The following CDS1 variants were observed in gnomAD, a reference collection of about 807,000 sequenced individuals.
CDS1 encodes phosphatidate cytidylyltransferase 1.
In CDS1, 41 loss-of-function variants were observed where a neutral mutation model predicts 62.1. The observed-to-expected ratio is 0.66, with a 90% CI of 0.51 to 0.86. The LOEUF (loss-of-function observed/expected upper bound fraction) is 0.86. CDS1 is among the 40% of genes least tolerant of loss of function. The pLI is 0.00. For missense variants in CDS1, 470 were observed against 550.1 expected, an observed-to-expected ratio of 0.85 and a Z score of 1.46; for synonymous variants, 185 against 192.6, an observed-to-expected ratio of 0.96 and a Z score of 0.32.
rs372134066 is a variant in CDS1 at position 84,599,393 on chromosome 4, GACACACACAC to G, written c.118-4846_118-4837del. Among the ~76,000 whole-genome samples, 104 of 53,562 alleles carry G rather than the reference GACACACACAC, an allele frequency of 1.9e-3. 2 individuals carry two copies. The highest frequency in any genetic ancestry group is 8.6e-3 in the African/African-American group (99 of 11,486). 35.1% of individuals were successfully genotyped at this position (53,562 alleles called of 152,430 possible). A position where few individuals can be genotyped will look rare whatever the true frequency, so the allele number is the denominator to read the frequency against. ...TAGCAAATATAATTTGGCAAATTTT[GACACACACAC>G]ACATATATATATATATATATATATA... is the stretch of plus-strand genomic sequence containing the variant. On this transcript the variant is annotated intron_variant, in intron 1 of 12. Transcript: ENST00000295887.
chr4:84,635,620 TGC>T (rs1724166853), intron 8 of CDS1, among the ~76,000 whole-genome samples: 2 of 106,390 alleles, frequency 1.9e-5, no homozygotes, highest in African/African-American at 7.2e-5. Context: ...CCTGCCTGCC[TGC>T]CTGCCTTCCT....
chr4:84,607,520 ACCGTGTTG>A (rs1425066568), intron 2 of CDS1, among the ~76,000 whole-genome samples: 1 of 148,010 alleles, frequency 6.8e-6, no homozygotes, highest in African/African-American at 2.5e-5. Flanking sequence ...CTGGGTTTTT[ACCGTGTTG>A]CCCAGGCTGG....
At chr4:84,617,738 G>A (rs775652882) in intron 4 of CDS1, 77 bp downstream of exon 4, 8 of 646,472 alleles carry the variant, frequency 1.2e-5, no homozygotes, top group African/African-American at 3.7e-5. Context: ...TGATCAGTCA[G>A]TATCCACTCA....
intron 12 of CDS1, among the ~76,000 whole-genome samples, chr4:84,645,977 T>A (rs57568560): frequency 3.7e-4 from 56 of 152,312 alleles, no homozygotes; most frequent in African/African-American, 1.3e-3. Flanking sequence ...TAAACCTTAA[T>A]GTTTTGGATC....
intron 3 of CDS1, among the ~76,000 whole-genome samples, chr4:84,611,316 TATC>T (rs1012293000): frequency 6.6e-6 from 1 of 152,218 alleles, no homozygotes; most frequent in African/African-American, 2.4e-5. Context: ...TTATTGGTAT[TATC>T]ATTGTTATTA....
In CDS1 at chr4:84,635,425, T is replaced by G. The variant is rs1254821395; in HGVS notation, c.810+74T>G. 4 of 780,794 alleles carry G rather than the reference T, an allele frequency of 5.1e-6. No homozygotes were observed. In the Admixed American group the frequency reaches 8.6e-5, roughly 17 times the overall value. The allele number at this position is 780,794 out of a possible 1,614,324, so 48.4% of individuals were successfully genotyped here. A position where few individuals can be genotyped will look rare whatever the true frequency, so the allele number is the denominator to read the frequency against. On this transcript the variant is annotated intron_variant, in intron 8 of 12. Coordinates refer to ENST00000295887, the MANE Select transcript of CDS1 (RefSeq NM_001263.4). ...GCCACTGGAGAACATTTCCAACAAC[T>G]GTGCTGTTGTGCATTTTTTATTTTT...
intron 2 of CDS1, among the ~76,000 whole-genome samples, chr4:84,606,279 T>C (rs1439476836): frequency 4.0e-5 from 6 of 149,030 alleles, no homozygotes. Context: ...CTTCAGTGTT[T>C]ACCCTTTGAG....
intron 1 of CDS1, among the ~76,000 whole-genome samples, chr4:84,593,378 C>T (rs750104278): frequency 2.0e-5 from 3 of 152,102 alleles, no homozygotes; most frequent in Non-Finnish European, 4.4e-5. Context: ...CATCCTCTGT[C>T]GCCTTTAATA....
chr4:84,600,300 G>A (rs954354998), intron 1 of CDS1, among the ~76,000 whole-genome samples: 9 of 151,998 alleles, frequency 5.9e-5, no homozygotes, highest in Non-Finnish European at 8.8e-5. Flanking sequence ...AATATGTTTC[G>A]TTCTGTGACT....
intron 10 of CDS1, among the ~76,000 whole-genome samples, chr4:84,641,273 C>G (rs1392514581): frequency 6.6e-6 from 1 of 152,082 alleles, no homozygotes; most frequent in Admixed American, 6.6e-5. Flanking sequence ...GCTATGTTGG[C>G]CAATCTGGTC....
chr4:84,601,641 G>A (rs554174856), intron 1 of CDS1, among the ~76,000 whole-genome samples: 4 of 152,162 alleles, frequency 2.6e-5, no homozygotes, highest in South Asian at 2.1e-4. Context: ...ATTCAGGTAC[G>A]GTGGCTCACC....
At chr4:84,609,394 A>C (rs1648148532) in intron 2 of CDS1, 35 bp from the exon 3 acceptor site, 1 of 1,345,966 alleles carries the variant, frequency 7.4e-7, no homozygotes, top group African/African-American at 1.4e-5. Context: ...AACCTTAAGA[A>C]CACGTTAAAT....
intron 5 of CDS1, among the ~76,000 whole-genome samples, chr4:84,623,865 C>T (rs374965738): frequency 1.3e-5 from 2 of 151,992 alleles, no homozygotes; most frequent in East Asian, 1.9e-4. Context: ...CAGTTCGTGC[C>T]GCTTGCTGAC....
chr4:84,593,123 G>A (rs149122968), intron 1 of CDS1, among the ~76,000 whole-genome samples: 1 of 152,282 alleles, frequency 6.6e-6, no homozygotes, highest in African/African-American at 2.4e-5. Flanking sequence ...CCGTCTCAGA[G>A]TTGAGGCTTC....
intron 10 of CDS1, among the ~76,000 whole-genome samples, chr4:84,641,477 T>C (rs541651800): frequency 1.1e-4 from 17 of 152,356 alleles, no homozygotes; most frequent in African/African-American, 4.1e-4. Context: ...TTAGCTTAAA[T>C]CAAATGGATG....
chr4:84,640,950 C>T lies in CDS1; in HGVS notation c.992C>T (p.Thr331Ile), dbSNP rs754484608. ...CEPSELFQLQ[T>I]YSLPPFLKAV... ...CCCTCAGAACTTTTCCAGCTTCAGACTTACTCACTTCCACCCTTTCTAAAG... is the reference window on the plus strand; with the variant it reads ...CCCTCAGAACTTTTCCAGCTTCAGATTTACTCACTTCCACCCTTTCTAAAG... The change falls in exon 10 of 13, where the codon ACT (threonine) becomes ATT (isoleucine). Residue 331 changes from threonine to isoleucine, a missense_variant. By Grantham distance (89) the Thr-to-Ile change is moderately conservative. Transcript: ENST00000295887. The T allele has an allele frequency of 6.2e-7, 1 of 1,609,570 alleles. No individual in the cohort carries two copies.
intron 1 of CDS1, among the ~76,000 whole-genome samples, chr4:84,592,863 C>T (rs1038901959): frequency 1.3e-5 from 2 of 152,160 alleles, no homozygotes; most frequent in Non-Finnish European, 2.9e-5. Context: ...ACTTCATCAC[C>T]TGGGTGACCC....
At chr4:84,623,358 T>C (rs902319524) in intron 5 of CDS1, among the ~76,000 whole-genome samples, 1 of 152,224 alleles carries the variant, frequency 6.6e-6, no homozygotes, top group African/African-American at 2.4e-5. Context: ...TTGCTTTGGC[T>C]AGGGCTCACA....
chr4:84,630,824 G>A (rs1379793435), intron 5 of CDS1, among the ~76,000 whole-genome samples: 1 of 152,028 alleles, frequency 6.6e-6, no homozygotes, highest in Non-Finnish European at 1.5e-5. Flanking sequence ...AAAAAAGGAT[G>A]TTGCAGAATA....
Sources: gnomAD v4.1 joint callset for allele counts (sites outside exome capture counted in the v4.1 genomes callset) on GRCh38, gnomAD v4.1.1 for gene constraint, MANE v1.5 for transcripts, NCBI Gene and HGNC (gene_info 2026-07-23, HGNC 2026-07-21) for gene names.